The following TBC1D22A variants were observed in gnomAD, a reference collection of about 807,000 sequenced individuals.
The protein encoded by TBC1D22A is putative GTPase activator.
TBC1D22A carries 38 observed loss-of-function variants against 60.2 expected under a neutral mutation model. The ratio of observed to expected loss-of-function variants is 0.63; its 90% CI spans 0.49 to 0.83. The LOEUF (loss-of-function observed/expected upper bound fraction) is 0.83, where lower values mean the gene tolerates loss of function less well. TBC1D22A is among the 40% of genes least tolerant of loss of function. The pLI is 0.00. For synonymous variants in TBC1D22A, 302 were observed against 281.7 expected (o/e 1.07, Z -0.72); for missense variants, 628 against 701.0 (o/e 0.90, Z 1.18).
At chr22:46,850,464 A>T (rs1039882856) in intron 4 of TBC1D22A, among the ~76,000 whole-genome samples, 13 of 152,228 alleles carry the variant, frequency 8.5e-5, no homozygotes, top group African/African-American at 2.9e-4. Context: ...AAAATGTTCC[A>T]GTTGTACCCA....
At chr22:46,929,450 G>T (rs1183289534) in intron 8 of TBC1D22A, among the ~76,000 whole-genome samples, 3 of 152,148 alleles carry the variant, frequency 2.0e-5, no homozygotes, top group African/African-American at 7.2e-5. Context: ...ATTATTAATA[G>T]GTCTTTGATT....
At chr22:46,971,871 G>T (rs894228341) in intron 8 of TBC1D22A, among the ~76,000 whole-genome samples, 6 of 152,208 alleles carry the variant, frequency 3.9e-5, no homozygotes, top group African/African-American at 1.4e-4. Context: ...GGGCTCCTGC[G>T]CCAGCAGAGT....
At chr22:46,903,269 A>G (rs1443244275) in intron 7 of TBC1D22A, among the ~76,000 whole-genome samples, 1 of 152,082 alleles carries the variant, frequency 6.6e-6, no homozygotes, top group African/African-American at 2.4e-5. Context: ...GCTGCAGGCG[A>G]AGGGGCTCCC....
intron 8 of TBC1D22A, among the ~76,000 whole-genome samples, chr22:46,934,221 C>T (rs2092234): frequency 0.067 from 10,207 of 152,068 alleles, 487 homozygotes; most frequent in Non-Finnish European, 0.1. Context: ...TCTACTTTAC[C>T]TTGAAATTTT....
intron 4 of TBC1D22A, among the ~76,000 whole-genome samples, chr22:46,840,769 G>T (rs913853492): frequency 6.6e-6 from 1 of 151,900 alleles, no homozygotes; most frequent in East Asian, 1.9e-4. Context: ...ACAAGCATTC[G>T]TGAGAATTTG....
In TBC1D22A at chr22:47,126,622, G is replaced by A. The variant is rs78384676; in HGVS notation, c.1425+15019G>A. 2.8e-3 allele frequency among the ~76,000 whole-genome samples: 419 copies of A among 152,358 alleles called. 2 individuals carry two copies. The highest frequency in any genetic ancestry group is 9.7e-3 in the African/African-American group (403 of 41,580). Reference sequence around the variant, plus strand: ...GAGGGCGGAGGGAGTGACCCCTGGCGCTGTCTTCTCTGGAAACAGGAGTGA... The same window carrying A: ...GAGGGCGGAGGGAGTGACCCCTGGCACTGTCTTCTCTGGAAACAGGAGTGA... On this transcript the variant is annotated intron_variant, in intron 12 of 12. Coordinates refer to ENST00000337137, the MANE Select transcript of TBC1D22A (RefSeq NM_014346.5).
chr22:46,846,313 T>G (rs1239772648), intron 4 of TBC1D22A, among the ~76,000 whole-genome samples: 3 of 152,028 alleles, frequency 2.0e-5, no homozygotes, highest in Admixed American at 1.3e-4. Flanking sequence ...GATCCATTTG[T>G]ATGTATGTTT....
Position 46,990,852 on chromosome 22 carries a change from T to C in TBC1D22A, c.1126-6782T>C, listed in dbSNP as rs988811026. Among the ~76,000 whole-genome samples the C allele has an allele frequency of 3.3e-5, 5 of 152,238 alleles. No individual in the cohort carries two copies. Among genetic ancestry groups the C allele is most frequent in the African/African-American group, 7.2e-5 (3 of 41,460 alleles). ...GGCTCTGCTCCTCGCCGTGTGCGTC[T>C]GGAAGTGACCATGGATGGCCTCCTC... On this transcript the variant is annotated intron_variant, in intron 9 of 12. Coordinates refer to ENST00000337137, the MANE Select transcript of TBC1D22A (RefSeq NM_014346.5). This position sits in a 1 kb window ranked among gnomAD's most constrained non-coding sequence, Gnocchi z 4.6.
At chr22:47,098,895 T>C (rs2065295703) in intron 11 of TBC1D22A, among the ~76,000 whole-genome samples, 1 of 152,010 alleles carries the variant, frequency 6.6e-6, no homozygotes, top group Non-Finnish European at 1.5e-5. Flanking sequence ...GGAGCCAGGG[T>C]CTCTGGAGAG....
intron 8 of TBC1D22A, among the ~76,000 whole-genome samples, chr22:46,936,613 T>C (rs946842732): frequency 2.6e-5 from 4 of 152,262 alleles, no homozygotes; most frequent in African/African-American, 9.6e-5. Context: ...ATTATGGATC[T>C]TTCTGTCGGA....
At chr22:46,815,966 C>T (rs62233845) in intron 4 of TBC1D22A, among the ~76,000 whole-genome samples, 2,196 of 152,336 alleles carry the variant, frequency 0.014, 24 homozygotes, top group Non-Finnish European at 0.022. Context: ...GTAGGTCCCA[C>T]TGCAGCCTTG....
intron 11 of TBC1D22A, among the ~76,000 whole-genome samples, chr22:47,094,149 C>T (rs530979782): frequency 1.6e-4 from 25 of 152,210 alleles, no homozygotes; most frequent in South Asian, 8.3e-4. Context: ...TCTCATTGTC[C>T]GGATCTGGTG....
At chr22:46,942,026 T>TTTTA (rs2072200977) in intron 8 of TBC1D22A, among the ~76,000 whole-genome samples, 1 of 137,400 alleles carries the variant, frequency 7.3e-6, no homozygotes, top group Non-Finnish European at 1.6e-5. Context: ...TATATATATA[T>TTTTA]TATATATATA....
At chr22:47,172,155 G>A (rs555242302) in intron 12 of TBC1D22A, among the ~76,000 whole-genome samples, 2 of 151,384 alleles carry the variant, frequency 1.3e-5, no homozygotes, top group Admixed American at 6.6e-5. Context: ...TGCCCGCCCG[G>A]TGTTCCCACC....
chr22:47,025,750 G>A (rs2062233108), intron 10 of TBC1D22A, among the ~76,000 whole-genome samples: 1 of 152,208 alleles, frequency 6.6e-6, no homozygotes, highest in Non-Finnish European at 1.5e-5. Context: ...TGTGCTTAGA[G>A]GGAAACGTAT....
At chr22:46,973,810 C>T (rs117761607) in intron 8 of TBC1D22A, among the ~76,000 whole-genome samples, 188 of 152,246 alleles carry the variant, frequency 1.2e-3, no homozygotes, top group Non-Finnish European at 2.2e-3. Context: ...ATCTGTGGTA[C>T]GGCTTTCTGG....
At chr22:46,798,768 C>A (rs527667080) in intron 4 of TBC1D22A, among the ~76,000 whole-genome samples, 1 of 152,348 alleles carries the variant, frequency 6.6e-6, no homozygotes, top group African/African-American at 2.4e-5. Flanking sequence ...CAACGCCTGG[C>A]TTGGCCAGGA....
At chr22:46,860,007 G>A (rs868368245) in intron 4 of TBC1D22A, among the ~76,000 whole-genome samples, 1 of 23,354 alleles carries the variant, frequency 4.3e-5, no homozygotes, top group Non-Finnish European at 6.8e-5. Context: ...AGAGGTCCGC[G>A]CAGTGCCGTG....
rs528423812 is a variant in TBC1D22A, at chr22:46,782,963, A to G, written c.63-9557A>G. The stretch of plus-strand genomic sequence containing the variant: ...ATGTGTATTTTCATTTCTCTTGGGT[A>G]TCTACCTCCGAGTGGAATTGATGGG... On this transcript the variant is annotated intron_variant, in intron 1 of 12. Transcript: ENST00000337137. 5.9e-5 allele frequency among the ~76,000 whole-genome samples: 9 copies of G among 152,252 alleles called. No homozygotes were observed. In the South Asian group the frequency reaches 1.0e-3, roughly 18 times the overall value.
Sources: gnomAD v4.1 joint callset for allele counts (sites outside exome capture counted in the v4.1 genomes callset) on GRCh38, gnomAD v4.1.1 for gene constraint, Gnocchi (gnomAD v3.1) non-coding constraint, MANE v1.5 for transcripts, NCBI Gene and HGNC (gene_info 2026-07-23, HGNC 2026-07-21) for gene names.